Variants in CNTNAP2 observed in about 807,000 individuals in gnomAD.
CNTNAP2 encodes contactin-associated protein-like 2.
Under a neutral mutation model 155.2 loss-of-function variants are expected in CNTNAP2, and 98 were observed. That is an observed-to-expected ratio of 0.63 (90% CI 0.54 to 0.75). CNTNAP2 has a LOEUF of 0.75. CNTNAP2 is among the 30% of genes least tolerant of loss of function. The pLI, the probability that CNTNAP2 is intolerant of heterozygous loss-of-function variation, is 0.00. For synonymous variants in CNTNAP2, 651 were observed against 631.2 expected (o/e 1.03, Z -0.47); for missense variants, 1,727 against 1,688.1 (o/e 1.02, Z -0.40).
chr7:147,875,208 C>T (rs1453180098), intron 13 of CNTNAP2, among the ~76,000 whole-genome samples: 1 of 152,144 alleles, frequency 6.6e-6, no homozygotes. Flanking sequence ...TCTCATGCTG[C>T]TAATAAGTAC....
intron 16 of CNTNAP2, among the ~76,000 whole-genome samples, chr7:148,136,209 C>T (rs1366000449): frequency 6.6e-6 from 1 of 151,980 alleles, no homozygotes; most frequent in Non-Finnish European, 1.5e-5. Context: ...AAGATGGGCT[C>T]AGCAGGTCAC....
chr7:147,548,728 T>C (rs972303497), intron 11 of CNTNAP2, among the ~76,000 whole-genome samples: 1 of 152,228 alleles, frequency 6.6e-6, no homozygotes, highest in African/African-American at 2.4e-5. Context: ...TCTAGGGTTT[T>C]TATGATTTTG....
intron 1 of CNTNAP2, among the ~76,000 whole-genome samples, chr7:146,118,421 T>C (rs1359109507): frequency 3.9e-5 from 6 of 152,182 alleles, no homozygotes; most frequent in African/African-American, 1.4e-4. Context: ...CTGTTGATAT[T>C]TACACAAATA....
intron 15 of CNTNAP2, among the ~76,000 whole-genome samples, chr7:148,078,072 G>GT (rs141273074): frequency 0.022 from 3,282 of 148,140 alleles, 99 homozygotes; most frequent in African/African-American, 0.073. Flanking sequence ...TCATTGTTTT[G>GT]TTTTTTTTTT....
At chr7:147,729,554 C>A (rs886848528) in intron 13 of CNTNAP2, among the ~76,000 whole-genome samples, 1 of 93,906 alleles carries the variant, frequency 1.1e-5, no homozygotes, top group Non-Finnish European at 2.8e-5. Flanking sequence ...AAGGTATTTG[C>A]TTTGAGGCAA....
chr7:148,269,379 C>T (rs923608693), intron 21 of CNTNAP2, among the ~76,000 whole-genome samples: 1 of 152,202 alleles, frequency 6.6e-6, no homozygotes, highest in African/African-American at 2.4e-5. Flanking sequence ...TGAATTTTCT[C>T]CAACACTTTC....
intron 11 of CNTNAP2, among the ~76,000 whole-genome samples, chr7:147,522,544 A>G (rs1326063161): frequency 6.6e-6 from 1 of 152,108 alleles, no homozygotes; most frequent in Non-Finnish European, 1.5e-5. Flanking sequence ...TTAAAAAAAA[A>G]TTTCAAGGGA....
At chr7:147,652,172 A>G (rs1203119146) in intron 13 of CNTNAP2, among the ~76,000 whole-genome samples, 3 of 152,194 alleles carry the variant, frequency 2.0e-5, no homozygotes, top group African/African-American at 4.8e-5. Flanking sequence ...CACTGATGGA[A>G]GTTGGATTCT....
chr7:147,184,925 T>C (rs1802532771), intron 8 of CNTNAP2, among the ~76,000 whole-genome samples: 1 of 152,108 alleles, frequency 6.6e-6, no homozygotes, highest in African/African-American at 2.4e-5. Flanking sequence ...AGCTAAAACA[T>C]TGGTACTATT....
chr7:147,835,735 G>C (rs763154884), intron 13 of CNTNAP2, among the ~76,000 whole-genome samples: 1 of 152,182 alleles, frequency 6.6e-6, no homozygotes, highest in Non-Finnish European at 1.5e-5. Flanking sequence ...TGCAGATTAA[G>C]ATCATCCTGG....
At chr7:147,454,686 G>A (rs11979473) in intron 10 of CNTNAP2, among the ~76,000 whole-genome samples, 36,607 of 151,580 alleles carry the variant, frequency 0.24, 5,489 homozygotes, top group African/African-American at 0.42. Context: ...AAAAGAAGGC[G>A]TCTCCCAGAG....
chr7:146,354,417 T>G lies in CNTNAP2; in HGVS notation c.97+237444T>G, dbSNP rs544898498. 7.7e-4 allele frequency among the ~76,000 whole-genome samples: 116 copies of G among 150,730 alleles called. 1 individual carries two copies. The highest frequency in any genetic ancestry group is 2.4e-3 in the African/African-American group (99 of 40,614). ...CAGTTCCTCTCTTGTTAGTATTTTT[T>G]TTTTTTTTTTTGTTTGAGACAGAAT... is the stretch of plus-strand genomic sequence containing the variant. On this transcript the variant is annotated intron_variant, in intron 1 of 23. Transcript: ENST00000361727.
chr7:147,175,511 C>T (rs1802321918), intron 8 of CNTNAP2, among the ~76,000 whole-genome samples: 1 of 152,034 alleles, frequency 6.6e-6, no homozygotes. Flanking sequence ...ATTGGTTTCC[C>T]TTCCAAGACA....
chr7:147,991,703 C>G (rs1008830616), intron 15 of CNTNAP2, among the ~76,000 whole-genome samples: 12 of 152,140 alleles, frequency 7.9e-5, no homozygotes, highest in Non-Finnish European at 1.8e-4. Flanking sequence ...ACCCCCTTGG[C>G]CCTTCAGAGA....
At chr7:146,419,161 G>T (rs755829406) in intron 1 of CNTNAP2, among the ~76,000 whole-genome samples, 5 of 152,046 alleles carry the variant, frequency 3.3e-5, no homozygotes, top group Non-Finnish European at 7.4e-5. Context: ...CATGGTAGAA[G>T]GTGAAAGTCA....
intron 3 of CNTNAP2, among the ~76,000 whole-genome samples, chr7:146,897,127 T>C (rs1795893687): frequency 6.6e-6 from 1 of 152,110 alleles, no homozygotes; most frequent in Non-Finnish European, 1.5e-5. Context: ...AAAACGTCAC[T>C]CTTACTCTCT....
chr7:147,264,266 C>A (rs1804557649), intron 8 of CNTNAP2, among the ~76,000 whole-genome samples: 1 of 152,104 alleles, frequency 6.6e-6, no homozygotes, highest in South Asian at 2.1e-4. Flanking sequence ...GAGAGGACAG[C>A]AATCCAAAAC....
chr7:147,470,853 A>G (rs1012165427), intron 10 of CNTNAP2, among the ~76,000 whole-genome samples: 23 of 152,106 alleles, frequency 1.5e-4, no homozygotes, highest in African/African-American at 5.6e-4. Flanking sequence ...ATGAGATGAG[A>G]TCACCAAGAT....
chr7:148,261,163 G>GTTTTTCTT (rs78415973), intron 20 of CNTNAP2, among the ~76,000 whole-genome samples: 84,495 of 150,448 alleles, frequency 0.56, 24,715 homozygotes, highest in East Asian at 0.78. Context: ...TGCATCTGTT[G>GTTTTTCTT]TTTTTCTTTT....
Sources: gnomAD v4.1 joint callset for allele counts (sites outside exome capture counted in the v4.1 genomes callset) on GRCh38, gnomAD v4.1.1 for gene constraint, MANE v1.5 for transcripts, NCBI Gene and HGNC (gene_info 2026-07-23, HGNC 2026-07-21) for gene names.